Variants in RAI14 observed in about 807,000 individuals in gnomAD.
RAI14 encodes the protein ankycorbin.
Under a neutral mutation model 115.4 loss-of-function variants are expected in RAI14, and 45 were observed. The ratio of observed to expected loss-of-function variants is 0.39; its 90% CI spans 0.31 to 0.50. RAI14 has a LOEUF of 0.50. Ranked by LOEUF, RAI14 falls within the 20% of genes least tolerant of loss-of-function variation. The probability of loss-of-function intolerance (pLI) is 0.85; values close to 1 mark genes in which losing one functional copy is unlikely to be tolerated. For synonymous variants in RAI14, 371 were observed against 415.4 expected (o/e 0.89, Z 1.30); for missense variants, 939 against 1,131.2 (o/e 0.83, Z 2.44).
intron 2 of RAI14, among the ~76,000 whole-genome samples, chr5:34,722,488 C>T (rs945526350): frequency 3.9e-5 from 6 of 151,920 alleles, no homozygotes; most frequent in South Asian, 4.2e-4. Context: ...ACTAACATCC[C>T]CTCCGGTTTT....
Position 34,686,874 on chromosome 5 carries a change from G to A in RAI14, c.-46G>A. 6.2e-7 allele frequency: 1 copy of A among 1,601,860 alleles called. No individual in the cohort carries two copies. Among genetic ancestry groups the A allele is most frequent in the Non-Finnish European group, 8.5e-7 (1 of 1,170,064 alleles). Reference sequence around the variant, plus strand: ...ATGTCCTTTTTTTCTCTGCTTAGGTGTTGAAAAGTCTCCTCTAGAGCTTTG... The same window carrying A: ...ATGTCCTTTTTTTCTCTGCTTAGGTATTGAAAAGTCTCCTCTAGAGCTTTG... On this transcript the variant is annotated splice_region_variant and 5_prime_UTR_variant, in exon 2 of 18. Coordinates refer to ENST00000265109, the MANE Select transcript of RAI14 (RefSeq NM_015577.3).
chr5:34,777,390 G>A (rs1750998668), intron 3 of RAI14, among the ~76,000 whole-genome samples: 1 of 152,162 alleles, frequency 6.6e-6, no homozygotes, highest in African/African-American at 2.4e-5. Context: ...GGAACTGTGG[G>A]TTATTATGTT....
intron 2 of RAI14, among the ~76,000 whole-genome samples, chr5:34,703,725 G>A (rs540789033): frequency 9.8e-5 from 15 of 152,286 alleles, no homozygotes; most frequent in African/African-American, 2.6e-4. Context: ...GGGGCCCTGA[G>A]GTTTAAGCTT....
intron 2 of RAI14, among the ~76,000 whole-genome samples, chr5:34,695,828 C>T (rs1272667328): frequency 4.0e-5 from 5 of 125,616 alleles, no homozygotes; most frequent in Admixed American, 9.2e-5. Flanking sequence ...TTTTCTGTGA[C>T]AGTGTCTTTC....
At chr5:34,768,482 TG>T (rs1478648149) in intron 3 of RAI14, among the ~76,000 whole-genome samples, 2 of 152,162 alleles carry the variant, frequency 1.3e-5, no homozygotes, top group Non-Finnish European at 2.9e-5. Flanking sequence ...TCAATCACCC[TG>T]AAGTAAATTT....
rs747450748 is a variant in RAI14, at chr5:34,677,161, ATTTTTTTT to A, written c.-48-9697_-48-9690del. Among the ~76,000 whole-genome samples the A allele has an allele frequency of 8.2e-4, 68 of 83,144 alleles. 1 individual carries two copies. The highest frequency in any genetic ancestry group is 1.3e-3 in the Non-Finnish European group (58 of 43,042). The allele number at this position is 83,144 out of a possible 152,430, so 54.5% of individuals were successfully genotyped here. A position where few individuals can be genotyped will look rare whatever the true frequency, so the allele number is the denominator to read the frequency against. On this transcript the variant is annotated intron_variant, in intron 1 of 17. Coordinates refer to ENST00000265109, the MANE Select transcript of RAI14 (RefSeq NM_015577.3). ...TCTGGATGAAATCTATGACATTTCTATTTTTTTTTTTTTTTTTTTTTGAGACACAGTTT... is the reference window on the plus strand; with the variant it reads ...TCTGGATGAAATCTATGACATTTCTATTTTTTTTTTTTTGAGACACAGTTT...
At chr5:34,811,310 T>A (rs1755555285) in intron 8 of RAI14, among the ~76,000 whole-genome samples, 192 bp downstream of exon 8, 1 of 152,232 alleles carries the variant, frequency 6.6e-6, no homozygotes. Context: ...CAGACATCTG[T>A]GGACATCATT....
intron 3 of RAI14, among the ~76,000 whole-genome samples, chr5:34,776,863 A>T (rs1022047579): frequency 6.6e-6 from 1 of 151,602 alleles, no homozygotes; most frequent in Non-Finnish European, 1.5e-5. Context: ...CTATCTTCCC[A>T]TAAAAATTAA....
In RAI14 at chr5:34,691,201, C is replaced by A. The variant is rs182855592; in HGVS notation, c.36+4246C>A. ...TCAGGGGAGACAGCTTGCAGCACAG[C>A]GGGTTAACTCAGTCTCAAAAATGGC... On this transcript the variant is annotated intron_variant, in intron 2 of 17. Transcript: ENST00000265109. 2.2e-3 allele frequency among the ~76,000 whole-genome samples: 337 copies of A among 152,074 alleles called. 1 individual carries two copies. Among genetic ancestry groups the A allele is most frequent in the Non-Finnish European group, 2.7e-3 (183 of 67,994 alleles).
At position 34,827,850 on chromosome 5, in the gene RAI14, TTATACTC is replaced by T. The variant is rs1226644384; in HGVS notation, c.2799+1376_2799+1382del. On this transcript the variant is annotated intron_variant, in intron 16 of 17. Transcript: ENST00000265109. This position sits in a 1 kb window ranked among gnomAD's most constrained non-coding sequence, Gnocchi z 4.2. ...GACTCAGTCCCTGCCCTCAAGGAGTTTATACTCTATATAAGTTATCAGCAAAGAGATG... is the reference window on the plus strand; with the variant it reads ...GACTCAGTCCCTGCCCTCAAGGAGTTTATATAAGTTATCAGCAAAGAGATG... Among the ~76,000 whole-genome samples the T allele has an allele frequency of 6.6e-6, 1 of 152,182 alleles. No individual in the cohort carries two copies. The highest frequency in any genetic ancestry group is 1.5e-5 in the Non-Finnish European group (1 of 68,020).
chr5:34,688,922 C>G (rs1388202629), intron 2 of RAI14, among the ~76,000 whole-genome samples: 2 of 151,938 alleles, frequency 1.3e-5, no homozygotes, highest in Non-Finnish European at 2.9e-5. Flanking sequence ...TGCCACAAAT[C>G]TTATGTGGTG....
chr5:34,814,332 A>G (rs17594604), intron 11 of RAI14, among the ~76,000 whole-genome samples: 19,158 of 152,228 alleles, frequency 0.13, 1,675 homozygotes, highest in Non-Finnish European at 0.18. Flanking sequence ...CTTAACCTGC[A>G]ATAGAAGTTT....
intron 3 of RAI14, among the ~76,000 whole-genome samples, chr5:34,760,956 C>T (rs1241577766): frequency 6.6e-6 from 1 of 152,128 alleles, no homozygotes. Context: ...GATTTGTCTG[C>T]TCTGGATATT....
At chr5:34,802,056 A>G (rs1477433342) in intron 4 of RAI14, among the ~76,000 whole-genome samples, 1 of 152,116 alleles carries the variant, frequency 6.6e-6, no homozygotes, top group Non-Finnish European at 1.5e-5. Flanking sequence ...GAAAAAAAAA[A>G]GAAAAGAAAT....
intron 2 of RAI14, among the ~76,000 whole-genome samples, chr5:34,689,264 C>G (rs1738264156): frequency 6.6e-6 from 1 of 152,010 alleles, no homozygotes; most frequent in Non-Finnish European, 1.5e-5. Flanking sequence ...AATTAGCCGC[C>G]TATGGTGGGG....
intron 3 of RAI14, among the ~76,000 whole-genome samples, chr5:34,765,715 C>A (rs189276059): frequency 6.6e-6 from 1 of 152,210 alleles, no homozygotes; most frequent in Non-Finnish European, 1.5e-5. Context: ...TGTGGAGAAA[C>A]TCAAGCCAGC....
rs1316010984 is a variant in RAI14 at position 34,830,862 on chromosome 5, G to C, written c.*97G>C. 1.3e-6 allele frequency: 2 copies of C among 1,567,040 alleles called. No homozygotes were observed. The highest frequency in any genetic ancestry group is 1.4e-5 in the African/African-American group (1 of 73,204). ...CTGCCATTGTTCTCATTCGTGGTATGCACTGTGGCCTAGCGTAGCTTCTTC... is the reference window on the plus strand; with the variant it reads ...CTGCCATTGTTCTCATTCGTGGTATCCACTGTGGCCTAGCGTAGCTTCTTC... On this transcript the variant is annotated 3_prime_UTR_variant, in exon 18 of 18. Coordinates refer to ENST00000265109, the MANE Select transcript of RAI14 (RefSeq NM_015577.3).
intron 16 of RAI14, among the ~76,000 whole-genome samples, chr5:34,828,780 G>C (rs1246377566): frequency 6.6e-6 from 1 of 152,124 alleles, no homozygotes; most frequent in African/African-American, 2.4e-5. Context: ...AGCATCAGCG[G>C]CTGTATTGAG....
At chr5:34,719,590 C>G (rs1015428123) in intron 2 of RAI14, among the ~76,000 whole-genome samples, 1 of 152,172 alleles carries the variant, frequency 6.6e-6, no homozygotes, top group Admixed American at 6.5e-5. Flanking sequence ...ACTGCTCTTC[C>G]CTGAGTTACC....
Sources: gnomAD v4.1 joint callset for allele counts (sites outside exome capture counted in the v4.1 genomes callset) on GRCh38, gnomAD v4.1.1 for gene constraint, Gnocchi (gnomAD v3.1) non-coding constraint, MANE v1.5 for transcripts, NCBI Gene and HGNC (gene_info 2026-07-23, HGNC 2026-07-21) for gene names.